Variants in RHEB observed in about 807,000 individuals in gnomAD.
RHEB encodes Ras homolog, mTORC1 binding.
Under a neutral mutation model 28.8 loss-of-function variants are expected in RHEB, and 2 were observed. The ratio of observed to expected loss-of-function variants is 0.07; its 90% CI spans 0.03 to 0.22. RHEB has a LOEUF of 0.22. Among genes scored for constraint, RHEB ranks in the 10% least tolerant of loss-of-function variants. RHEB has a pLI of 1.00. For synonymous variants in RHEB, 69 were observed against 77.3 expected (o/e 0.89, Z 0.56); for missense variants, 76 against 219.9 (o/e 0.35, Z 4.14).
At chr7:151,518,235 GT>G (rs1803116527) in intron 1 of RHEB, among the ~76,000 whole-genome samples, 1 of 152,180 alleles carries the variant, frequency 6.6e-6, no homozygotes. Flanking sequence ...CGACGGAGAG[GT>G]GGTAAAAGGA....
intron 1 of RHEB, among the ~76,000 whole-genome samples, chr7:151,501,097 C>G (rs974571840): frequency 2.0e-5 from 3 of 152,050 alleles, no homozygotes; most frequent in Non-Finnish European, 2.9e-5. Context: ...GTATAAAATC[C>G]AAAGTACAAT....
At chr7:151,506,587 AAAT>A (rs1802884127) in intron 1 of RHEB, among the ~76,000 whole-genome samples, 1 of 152,210 alleles carries the variant, frequency 6.6e-6, no homozygotes, top group Admixed American at 6.5e-5. Context: ...TCTTAGGCAG[AAAT>A]AATCCGCTTA....
chr7:151,497,968 C>T, intron 1 of RHEB: 1 of 449,484 alleles, frequency 2.2e-6, no homozygotes, highest in Non-Finnish European at 4.2e-6. Context: ...CCCCTTTGCT[C>T]TCAGTGTTAC....
chr7:151,502,861 A>T, intron 1 of RHEB: 2 of 919,144 alleles, frequency 2.2e-6, no homozygotes, highest in Non-Finnish European at 3.7e-6. Flanking sequence ...CTGACTTTGA[A>T]CTAAGTCAAT....
rs193221639 is a variant in RHEB at position 151,515,507 on chromosome 7, G to A, written c.52+3953C>T. ...CTTGTGCAGAACAATGAATGAGACTGAAAAACAGTAATTTCAAGTTTCAAT... is the reference window on the plus strand; with the variant it reads ...CTTGTGCAGAACAATGAATGAGACTAAAAAACAGTAATTTCAAGTTTCAAT... On this transcript the variant is annotated intron_variant, in intron 1 of 7. Coordinates refer to ENST00000262187, the MANE Select transcript of RHEB (RefSeq NM_005614.4). 2.0e-5 allele frequency among the ~76,000 whole-genome samples: 3 copies of A among 152,254 alleles called. No homozygotes were observed. The East Asian group carries it at 5.8e-4, about 29-fold the overall frequency.
chr7:151,473,331 C>A (rs1802198787), intron 4 of RHEB, among the ~76,000 whole-genome samples: 1 of 152,302 alleles, frequency 6.6e-6, no homozygotes, highest in Admixed American at 6.5e-5. Context: ...GAAACTCAAC[C>A]CTGTCAAGAG....
chr7:151,517,707 A>AC (rs1803106559), intron 1 of RHEB, among the ~76,000 whole-genome samples: 1 of 151,708 alleles, frequency 6.6e-6, no homozygotes, highest in Admixed American at 6.6e-5. Flanking sequence ...AAAAAAAAAA[A>AC]AGTGATAAAA....
chr7:151,504,021 G>A (rs966820647), intron 1 of RHEB, among the ~76,000 whole-genome samples: 1 of 142,802 alleles, frequency 7.0e-6, no homozygotes. Context: ...GAGCTAATAG[G>A]AGGCAATTTC....
At chr7:151,474,530 A>G (rs1802233063) in intron 4 of RHEB, among the ~76,000 whole-genome samples, 1 of 152,122 alleles carries the variant, frequency 6.6e-6, no homozygotes, top group African/African-American at 2.4e-5. Flanking sequence ...GATAGGAGAG[A>G]TCTACTCCTA....
In RHEB at chr7:151,491,031, G is replaced by C. The variant is rs1802572149; in HGVS notation, c.53-17C>G. On this transcript the variant is annotated splice_polypyrimidine_tract_variant and intron_variant, in intron 1 of 7. Transcript: ENST00000262187. ...AGGATTTCCCTATAAAAGAGAACAAGAGCTTAGTGTGTGTTGGCATATGAA... is the reference window on the plus strand; with the variant it reads ...AGGATTTCCCTATAAAAGAGAACAACAGCTTAGTGTGTGTTGGCATATGAA... 2 of 1,599,016 alleles carry C rather than the reference G, an allele frequency of 1.3e-6. No homozygotes were observed. The highest frequency in any genetic ancestry group is 1.1e-5 in the South Asian group (1 of 89,810).
intron 1 of RHEB, chr7:151,501,835 C>G: frequency 2.0e-6 from 1 of 500,098 alleles, no homozygotes; most frequent in Admixed American, 2.5e-5. Context: ...CTACCAGCCG[C>G]TGCTGCCCAG....
At chr7:151,489,941 C>A (rs77678046) in intron 2 of RHEB, among the ~76,000 whole-genome samples, 9,919 of 152,200 alleles carry the variant, frequency 0.065, 1,016 homozygotes, top group African/African-American at 0.23. Context: ...AGCCTCCGGC[C>A]GGTGAAATAT....
chr7:151,517,719 T>C (rs1803106967), intron 1 of RHEB, among the ~76,000 whole-genome samples: 1 of 147,942 alleles, frequency 6.8e-6, no homozygotes, highest in Non-Finnish European at 1.5e-5. Flanking sequence ...GTGATAAAAC[T>C]AGCCCTGCTC....
chr7:151,486,934 T>A (rs1268206406), intron 2 of RHEB, among the ~76,000 whole-genome samples: 1 of 152,088 alleles, frequency 6.6e-6, no homozygotes, highest in African/African-American at 2.4e-5. Flanking sequence ...ATACTAGGGA[T>A]AGGAGAGGAA....
chr7:151,510,119 C>T (rs1428708739), intron 1 of RHEB, among the ~76,000 whole-genome samples: 1 of 152,058 alleles, frequency 6.6e-6, no homozygotes, highest in Non-Finnish European at 1.5e-5. Flanking sequence ...CACATGAGTC[C>T]CGACCTCTCT....
intron 1 of RHEB, among the ~76,000 whole-genome samples, chr7:151,504,647 A>G (rs1802834666): frequency 6.6e-6 from 1 of 152,190 alleles, no homozygotes; most frequent in Non-Finnish European, 1.5e-5. Context: ...ATAAATCTCA[A>G]ATGTGTTGTG....
chr7:151,472,330 C>T lies in RHEB; in HGVS notation c.276-725G>A, dbSNP rs1314659296. On this transcript the variant is annotated intron_variant, in intron 4 of 7. Coordinates refer to ENST00000262187, the MANE Select transcript of RHEB (RefSeq NM_005614.4). The surrounding 1 kb of genome is among the most constrained non-coding windows in gnomAD (Gnocchi z 5.2). ...CCCAAGTCTGCCTGCATCAGTTCCA[C>T]AGCCCCAACCCTTCCCCGCCACCCC... 1.3e-5 allele frequency among the ~76,000 whole-genome samples: 2 copies of T among 152,344 alleles called. No homozygotes were observed. Among genetic ancestry groups the T allele is most frequent in the South Asian group, 2.1e-4 (1 of 4,830 alleles).
intron 1 of RHEB, 163 bp downstream of exon 1, chr7:151,519,297 A>C (rs1803138874): frequency 2.6e-6 from 1 of 379,948 alleles, no homozygotes; most frequent in Non-Finnish European, 4.1e-6. Flanking sequence ...CGCCGCCCCG[A>C]CCGCCACCAC....
At chr7:151,494,952 A>T (rs1465910462) in intron 1 of RHEB, among the ~76,000 whole-genome samples, 2 of 152,192 alleles carry the variant, frequency 1.3e-5, no homozygotes, top group Non-Finnish European at 1.5e-5. Context: ...GCTCATTTTC[A>T]AGTGTTCTCA....
Sources: gnomAD v4.1 joint callset for allele counts (sites outside exome capture counted in the v4.1 genomes callset) on GRCh38, gnomAD v4.1.1 for gene constraint, Gnocchi (gnomAD v3.1) non-coding constraint, MANE v1.5 for transcripts, NCBI Gene and HGNC (gene_info 2026-07-23, HGNC 2026-07-21) for gene names.